The following PDS5A variants were observed in gnomAD, a reference collection of about 807,000 sequenced individuals.
The protein encoded by PDS5A is sister chromatid cohesion protein PDS5 homolog A.
In PDS5A, 42 loss-of-function variants were observed where a neutral mutation model predicts 167.1. That is an observed-to-expected ratio of 0.25 (90% CI 0.20 to 0.33). The LOEUF is 0.33. Among genes scored for constraint, PDS5A ranks in the 10% least tolerant of loss-of-function variants. The pLI is 1.00. For synonymous variants in PDS5A, 553 were observed against 554.6 expected (o/e 1.00, Z 0.04); for missense variants, 1,033 against 1,605.9 (o/e 0.64, Z 6.10).
At position 39,928,182 on chromosome 4, in the gene PDS5A, A is replaced by C. The variant is rs369387615; in HGVS notation, c.139-18T>G. ...ACTACCATCTGTAAAAATGTACAAAAACACAAAATAATTAACTCCTGGAAT... is the reference window on the plus strand; with the variant it reads ...ACTACCATCTGTAAAAATGTACAAACACACAAAATAATTAACTCCTGGAAT... On this transcript the variant is annotated intron_variant, in intron 2 of 32. Coordinates refer to ENST00000303538, the MANE Select transcript of PDS5A (RefSeq NM_001100399.2). 114 of 1,499,668 alleles carry C rather than the reference A, an allele frequency of 7.6e-5. No individual in the cohort carries two copies. The highest frequency in any genetic ancestry group is 9.6e-5 in the Non-Finnish European group (104 of 1,085,166). The allele number at this position is 1,499,668 out of a possible 1,614,324, so 92.9% of individuals were successfully genotyped here.
chr4:39,963,672 A>C (rs927815349), intron 2 of PDS5A, among the ~76,000 whole-genome samples: 1 of 151,946 alleles, frequency 6.6e-6, no homozygotes, highest in African/African-American at 2.4e-5. Context: ...TCTCTTCAAA[A>C]ACTATAAAAA....
intron 30 of PDS5A, among the ~76,000 whole-genome samples, chr4:39,843,792 G>T (rs1427319487): frequency 6.6e-6 from 1 of 152,056 alleles, no homozygotes; most frequent in Non-Finnish European, 1.5e-5. Context: ...TATACACTTA[G>T]AATGCTATAT....
intron 2 of PDS5A, chr4:39,936,951 G>C (rs1726675548): frequency 6.6e-6 from 1 of 152,222 alleles, no homozygotes; most frequent in South Asian, 2.1e-4. Flanking sequence ...CCAAAGTCTT[G>C]GGGGTGAAGA....
Position 39,823,156 on chromosome 4 carries a change from G to A in PDS5A, c.*2329C>T, listed in dbSNP as rs375012748. 2.4e-4 allele frequency: 37 copies of A among 152,670 alleles called. No individual in the cohort carries two copies. The South Asian group carries it at 7.2e-3, about 30-fold the overall frequency. The allele number at this position is 152,670 out of a possible 1,614,324, so 9.5% of individuals were successfully genotyped here. On this transcript the variant is annotated 3_prime_UTR_variant, in exon 33 of 33. Coordinates refer to ENST00000303538, the MANE Select transcript of PDS5A (RefSeq NM_001100399.2). ...CTCAAATATAAGTCTGCACTTTTGT[G>A]TTGTAGTTCTCTGAGATGTGAATAC...
At chr4:39,856,320 C>A (rs1461063446) in intron 26 of PDS5A, among the ~76,000 whole-genome samples, 1 of 152,056 alleles carries the variant, frequency 6.6e-6, no homozygotes, top group East Asian at 1.9e-4. Flanking sequence ...TAAACAAGAG[C>A]AAAGGGAGTT....
At position 39,845,800 on chromosome 4, in the gene PDS5A, T is replaced by G; in HGVS notation, c.3402+18A>C. 1 of 1,392,130 alleles carries G rather than the reference T, an allele frequency of 7.2e-7. No individual in the cohort carries two copies. Among genetic ancestry groups the G allele is most frequent in the Non-Finnish European group, 9.4e-7 (1 of 1,067,828 alleles). The allele number at this position is 1,392,130 out of a possible 1,614,324, so 86.2% of individuals were successfully genotyped here. A position where few individuals can be genotyped will look rare whatever the true frequency, so the allele number is the denominator to read the frequency against. ...TACACATGAAACAAAGATCTCAAAATTATTAAGTAAATAATACCTTTCCTG... is the reference window on the plus strand; with the variant it reads ...TACACATGAAACAAAGATCTCAAAAGTATTAAGTAAATAATACCTTTCCTG... On this transcript the variant is annotated intron_variant, in intron 29 of 32. Transcript: ENST00000303538.
At chr4:39,831,875 C>CAAAAAAAAAAAAAAAAAA (rs58913167) in intron 32 of PDS5A, among the ~76,000 whole-genome samples, 5 of 25,938 alleles carry the variant, frequency 1.9e-4, no homozygotes, top group Admixed American at 7.2e-4. Flanking sequence ...AAACTCGTCT[C>CAAAAAAAAAAAAAAAAAA]AAAAAAAAAA....
At chr4:39,908,911 G>A (rs769123667) in intron 10 of PDS5A, 25 of 176,954 alleles carry the variant, frequency 1.4e-4, no homozygotes, top group East Asian at 5.0e-4. Context: ...GTAGTGGCCC[G>A]CCCCTGCAGT....
At chr4:39,973,753 G>T in intron 2 of PDS5A, 1 of 1,298,880 alleles carries the variant, frequency 7.7e-7, no homozygotes, top group Non-Finnish European at 1.1e-6. Flanking sequence ...TGTACGAGCT[G>T]TGCCCAACCA....
intron 14 of PDS5A, 61 bp from the exon 15 acceptor site, chr4:39,898,886 C>CA: frequency 1.9e-6 from 2 of 1,069,974 alleles, no homozygotes; most frequent in Non-Finnish European, 1.4e-6. Context: ...ATTTCCCTAA[C>CA]AAAAATCAAT....
At chr4:39,976,383 G>GT (rs1731082771) in intron 2 of PDS5A, 57 bp downstream of exon 2, 2 of 1,506,386 alleles carry the variant, frequency 1.3e-6, no homozygotes, top group East Asian at 4.6e-5. Flanking sequence ...CAGGGTAGCA[G>GT]TATCACAGGA....
At chr4:39,943,123 TACACACACAC>T (rs35361618) in intron 2 of PDS5A, among the ~76,000 whole-genome samples, 38,914 of 144,712 alleles carry the variant, frequency 0.27, 5,219 homozygotes, top group Middle Eastern at 0.33. Flanking sequence ...ACTATGCAAA[TACACACACAC>T]ACACACACAC....
intron 2 of PDS5A, among the ~76,000 whole-genome samples, chr4:39,939,180 T>C (rs1428921831): frequency 1.3e-5 from 2 of 152,056 alleles, no homozygotes; most frequent in African/African-American, 4.8e-5. Flanking sequence ...TGAGCTATAG[T>C]TGTACATTGT....
chr4:39,955,716 G>A (rs1191404113), intron 2 of PDS5A, among the ~76,000 whole-genome samples: 4 of 151,968 alleles, frequency 2.6e-5, no homozygotes, highest in Non-Finnish European at 5.9e-5. Flanking sequence ...GGACGGGAGT[G>A]TTACTGAGGA....
chr4:39,881,075 C>A (rs1289943984), intron 17 of PDS5A, among the ~76,000 whole-genome samples: 1 of 151,970 alleles, frequency 6.6e-6, no homozygotes, highest in African/African-American at 2.4e-5. Flanking sequence ...CTGTTCCTGG[C>A]TCATTTCACT....
At chr4:39,871,641 G>A (rs1720039308) in intron 21 of PDS5A, among the ~76,000 whole-genome samples, 1 of 152,184 alleles carries the variant, frequency 6.6e-6, no homozygotes, top group African/African-American at 2.4e-5. Context: ...CAGCATATCT[G>A]TGTCTTTATT....
At chr4:39,855,365 A>T (rs1397385863) in intron 26 of PDS5A, among the ~76,000 whole-genome samples, 2 of 152,230 alleles carry the variant, frequency 1.3e-5, no homozygotes, top group Non-Finnish European at 2.9e-5. Flanking sequence ...AGCAATCTAG[A>T]AAGAGAGGAA....
intron 2 of PDS5A, among the ~76,000 whole-genome samples, chr4:39,972,427 G>T (rs1450098928): frequency 6.6e-6 from 1 of 152,176 alleles, no homozygotes; most frequent in Non-Finnish European, 1.5e-5. Flanking sequence ...GGCTGGGGCA[G>T]GAGAATCGCT....
chr4:39,848,632 A>T, intron 28 of PDS5A: 1 of 462,656 alleles, frequency 2.2e-6, no homozygotes, highest in Non-Finnish European at 3.8e-6. Flanking sequence ...TTAATACTAG[A>T]AATTCCTAGA....
Sources: allele counts gnomAD v4.1 joint callset (sites outside exome capture counted in the v4.1 genomes callset), GRCh38; gene constraint gnomAD v4.1.1; transcripts MANE v1.5; gene names NCBI Gene and HGNC (gene_info 2026-07-23, HGNC 2026-07-21).